Variants in SH3GL2 observed in about 807,000 individuals in gnomAD.
SH3GL2 encodes SH3 domain containing GRB2 like 2, endophilin A1.
SH3GL2 carries 24 observed loss-of-function variants against 46.0 expected under a neutral mutation model. The ratio of observed to expected loss-of-function variants is 0.52; its 90% CI spans 0.38 to 0.73. The LOEUF (loss-of-function observed/expected upper bound fraction) is 0.73, where lower values mean the gene tolerates loss of function less well. Ranked by LOEUF, SH3GL2 falls within the 30% of genes least tolerant of loss-of-function variation. The pLI is 0.00. For missense variants in SH3GL2, 413 were observed against 424.2 expected, an observed-to-expected ratio of 0.97 and a Z score of 0.23; for synonymous variants, 196 against 147.1, an observed-to-expected ratio of 1.33 and a Z score of -2.40.
chr9:17,696,642 A>G (rs1361406272), intron 1 of SH3GL2, among the ~76,000 whole-genome samples: 1 of 151,814 alleles, frequency 6.6e-6, no homozygotes, highest in East Asian at 1.9e-4. Context: ...TCTCATGAAA[A>G]CTCACTCACT....
At chr9:17,699,713 A>G (rs987258428) in intron 1 of SH3GL2, among the ~76,000 whole-genome samples, 23 of 152,342 alleles carry the variant, frequency 1.5e-4, no homozygotes, top group African/African-American at 5.1e-4. Context: ...TCTTTGAACA[A>G]GGGCAGCTCT....
At chr9:17,623,535 A>G (rs894980724) in intron 1 of SH3GL2, among the ~76,000 whole-genome samples, 1 of 152,174 alleles carries the variant, frequency 6.6e-6, no homozygotes, top group South Asian at 2.1e-4. Context: ...AGACTGGACA[A>G]TGTTTCATGA....
intron 1 of SH3GL2, among the ~76,000 whole-genome samples, chr9:17,581,084 T>A (rs1818268985): frequency 1.3e-5 from 2 of 152,198 alleles, no homozygotes; most frequent in South Asian, 4.1e-4. Flanking sequence ...ACGTATAAAG[T>A]GTTCAATAAA....
chr9:17,744,431 T>C (rs926290393), intron 1 of SH3GL2, among the ~76,000 whole-genome samples: 2 of 151,992 alleles, frequency 1.3e-5, no homozygotes, highest in Admixed American at 6.6e-5. Context: ...AGTGGCACGA[T>C]CACGGCTCAC....
At chr9:17,593,571 C>T (rs1478878130) in intron 1 of SH3GL2, among the ~76,000 whole-genome samples, 1 of 152,146 alleles carries the variant, frequency 6.6e-6, no homozygotes, top group Non-Finnish European at 1.5e-5. Context: ...AATGTACCAA[C>T]TGTCTTGTTC....
At chr9:17,712,808 G>T (rs1821661892) in intron 1 of SH3GL2, among the ~76,000 whole-genome samples, 1 of 151,348 alleles carries the variant, frequency 6.6e-6, no homozygotes, top group South Asian at 2.1e-4. Flanking sequence ...TCAATCTGTT[G>T]GTCTATCTGT....
intron 1 of SH3GL2, among the ~76,000 whole-genome samples, chr9:17,652,888 C>G (rs1036832427): frequency 6.6e-6 from 1 of 152,156 alleles, no homozygotes; most frequent in South Asian, 2.1e-4. Flanking sequence ...TTTTCAGGTA[C>G]ATATACCTCT....
At chr9:17,736,552 C>G (rs1822339720) in intron 1 of SH3GL2, among the ~76,000 whole-genome samples, 1 of 152,112 alleles carries the variant, frequency 6.6e-6, no homozygotes, top group Non-Finnish European at 1.5e-5. Context: ...GTGCCAGTAG[C>G]TTCCTTTGGC....
At chr9:17,792,443 G>A (rs958083773) in intron 7 of SH3GL2, among the ~76,000 whole-genome samples, 1 of 151,842 alleles carries the variant, frequency 6.6e-6, no homozygotes, top group African/African-American at 2.4e-5. Flanking sequence ...CTAAACCCTC[G>A]CCCTCCCTTG....
At chr9:17,689,770 T>G (rs1821024293) in intron 1 of SH3GL2, among the ~76,000 whole-genome samples, 1 of 152,168 alleles carries the variant, frequency 6.6e-6, no homozygotes, top group Non-Finnish European at 1.5e-5. Flanking sequence ...TCTTCTGACC[T>G]TCCTGATTAT....
At chr9:17,684,600 A>G (rs1820857001) in intron 1 of SH3GL2, among the ~76,000 whole-genome samples, 3 of 152,152 alleles carry the variant, frequency 2.0e-5, no homozygotes, top group Non-Finnish European at 4.4e-5. Flanking sequence ...GACACATACC[A>G]CATAAGAAAT....
chr9:17,589,945 C>T (rs1818450011), intron 1 of SH3GL2: 1 of 152,116 alleles, frequency 6.6e-6, no homozygotes, highest in African/African-American at 2.4e-5. Flanking sequence ...CGGTGCCAGA[C>T]ATAATTTGGA....
rs1824254758 is a variant in SH3GL2 at position 17,795,674 on chromosome 9, G to T, written c.990G>T (p.Gly330=). 6.2e-7 allele frequency: 1 copy of T among 1,613,938 alleles called. No individual in the cohort carries two copies. Among genetic ancestry groups the T allele is most frequent in the African/African-American group, 1.3e-5 (1 of 74,918 alleles). Residue 330 remains glycine, a synonymous_variant, in exon 9 of 9, where the codon GGG becomes GGT. Coordinates refer to ENST00000380607, the MANE Select transcript of SH3GL2 (RefSeq NM_003026.5). ...AAATTGATGAGAACTGGTATGAGGG[G>T]ATGCTGCATGGCCATTCAGGCTTCT... ...TNQIDENWYE[G]MLHGHSGFFP... is the part of the protein sequence containing the mutation.
At chr9:17,660,967 G>A (rs1820197569) in intron 1 of SH3GL2, among the ~76,000 whole-genome samples, 1 of 152,096 alleles carries the variant, frequency 6.6e-6, no homozygotes, top group Non-Finnish European at 1.5e-5. Flanking sequence ...TTCGAGACCA[G>A]CCTGACCAAC....
intron 1 of SH3GL2, among the ~76,000 whole-genome samples, chr9:17,621,351 A>G (rs139321499): frequency 1.0e-3 from 159 of 152,370 alleles, no homozygotes; most frequent in South Asian, 5.8e-3. Flanking sequence ...GTGCTAATTT[A>G]TGTCCGCAAC....
chr9:17,633,265 T>C (rs935330637), intron 1 of SH3GL2, among the ~76,000 whole-genome samples: 1 of 152,180 alleles, frequency 6.6e-6, no homozygotes, highest in East Asian at 1.9e-4. Context: ...CTGCCCTTCT[T>C]GGCAGGAGTG....
intron 1 of SH3GL2, among the ~76,000 whole-genome samples, chr9:17,689,283 C>G (rs1821007940): frequency 1.3e-5 from 2 of 152,070 alleles, no homozygotes; most frequent in East Asian, 1.9e-4. Flanking sequence ...AACTGTCAAA[C>G]CAAGAGGAGT....
intron 2 of SH3GL2, among the ~76,000 whole-genome samples, chr9:17,755,338 A>G (rs80272192): frequency 0.025 from 3,812 of 152,308 alleles, 143 homozygotes; most frequent in African/African-American, 0.086. Flanking sequence ...GATAAAGCCT[A>G]CTTGATAATG....
chr9:17,650,533 G>A (rs1383607315), intron 1 of SH3GL2, among the ~76,000 whole-genome samples: 1 of 152,090 alleles, frequency 6.6e-6, no homozygotes, highest in Non-Finnish European at 1.5e-5. Flanking sequence ...CACCACGCCT[G>A]GCTAATTTTT....
Sources: allele counts gnomAD v4.1 joint callset (sites outside exome capture counted in the v4.1 genomes callset), GRCh38; gene constraint gnomAD v4.1.1; transcripts MANE v1.5; gene names NCBI Gene and HGNC (gene_info 2026-07-23, HGNC 2026-07-21).